VWA8: variants seen among roughly 807,000 people sequenced by gnomAD.
VWA8 encodes the protein von Willebrand factor A domain-containing protein 8.
A neutral mutation model predicts 241.5 loss-of-function variants in VWA8; 221 were observed. The observed-to-expected ratio is 0.91, with a 90% CI of 0.82 to 1.02. VWA8 has a LOEUF of 1.02. Among genes scored for constraint, VWA8 ranks in the 50% least tolerant of loss-of-function variants. VWA8 has a pLI of 0.00. For missense variants in VWA8, 2,322 were observed against 2,328.7 expected (o/e 1.00, Z 0.06); for synonymous variants, 852 against 827.1 (o/e 1.03, Z -0.52).
intron 29 of VWA8, 117 bp from the exon 30 acceptor site, chr13:41,693,089 A>T (rs2045190993): frequency 3.1e-6 from 2 of 639,566 alleles, no homozygotes; most frequent in Non-Finnish European, 5.3e-6. Context: ...CAAAACAAAG[A>T]CAATATTGTA....
At chr13:41,573,484 A>ATATATAT (rs796873882) in intron 43 of VWA8, among the ~76,000 whole-genome samples, 9 of 117,026 alleles carry the variant, frequency 7.7e-5, no homozygotes, top group African/African-American at 3.4e-4. Flanking sequence ...TAAAAAAAAA[A>ATATATAT]AAATATATAT....
At chr13:41,822,529 G>A (rs186099651) in intron 14 of VWA8, among the ~76,000 whole-genome samples, 11 of 152,272 alleles carry the variant, frequency 7.2e-5, no homozygotes, top group African/African-American at 2.6e-4. Context: ...ATAAGTAAGT[G>A]TATACGGCTA....
At chr13:41,688,133 T>C (rs966974096) in intron 34 of VWA8, among the ~76,000 whole-genome samples, 1 of 152,132 alleles carries the variant, frequency 6.6e-6, no homozygotes, top group African/African-American at 2.4e-5. Flanking sequence ...ACGTTTCATT[T>C]TGAATTACAT....
intron 12 of VWA8, among the ~76,000 whole-genome samples, chr13:41,840,722 G>A (rs879325864): frequency 6.0e-5 from 9 of 150,292 alleles, no homozygotes; most frequent in African/African-American, 2.0e-4. Flanking sequence ...TTGCACCACC[G>A]CACTCTAGCC....
At chr13:41,641,436 G>A (rs1425600465) in intron 37 of VWA8, among the ~76,000 whole-genome samples, 1 of 152,150 alleles carries the variant, frequency 6.6e-6, no homozygotes, top group Non-Finnish European at 1.5e-5. Context: ...GCTAGTCCCA[G>A]TCAGGTAGAT....
chr13:41,689,232 CT>C (rs1446285892), intron 34 of VWA8, 121 bp downstream of exon 34: 1 of 1,111,322 alleles, frequency 9.0e-7, no homozygotes, highest in Admixed American at 3.2e-5. Flanking sequence ...GGAAGGAAGA[CT>C]TGATCCAACA....
chr13:41,735,674 TTA>T (rs1222639964), intron 21 of VWA8, among the ~76,000 whole-genome samples: 2 of 152,136 alleles, frequency 1.3e-5, no homozygotes, highest in Non-Finnish European at 2.9e-5. Context: ...ATTAGTAGGT[TTA>T]TGTTTCAGTA....
At chr13:41,731,235 T>C (rs1481658714) in intron 22 of VWA8, among the ~76,000 whole-genome samples, 1 of 151,964 alleles carries the variant, frequency 6.6e-6, no homozygotes, top group East Asian at 1.9e-4. Flanking sequence ...GATGACTTAT[T>C]TGTGCCATTA....
intron 2 of VWA8, among the ~76,000 whole-genome samples, chr13:41,922,937 A>T (rs966154363): frequency 2.0e-5 from 3 of 152,254 alleles, no homozygotes; most frequent in South Asian, 2.1e-4. Flanking sequence ...ATTACTGGGT[A>T]TATACCCAAA....
intron 22 of VWA8, among the ~76,000 whole-genome samples, chr13:41,730,123 T>C (rs2045470948): frequency 6.6e-6 from 1 of 152,114 alleles, no homozygotes; most frequent in Non-Finnish European, 1.5e-5. Context: ...TATACAATTT[T>C]AATAGACCCA....
At chr13:41,673,882 A>G (rs893964545) in intron 36 of VWA8, among the ~76,000 whole-genome samples, 1 of 152,218 alleles carries the variant, frequency 6.6e-6, no homozygotes, top group African/African-American at 2.4e-5. Flanking sequence ...ATTCATACGG[A>G]AAGTTAAAAG....
intron 4 of VWA8, among the ~76,000 whole-genome samples, chr13:41,898,256 C>T (rs1322515427): frequency 6.6e-6 from 1 of 152,048 alleles, no homozygotes; most frequent in African/African-American, 2.4e-5. Flanking sequence ...ACTCACAAAC[C>T]CTGAGCTAGA....
intron 21 of VWA8, among the ~76,000 whole-genome samples, chr13:41,733,319 T>A (rs1355117135): frequency 6.6e-6 from 1 of 152,210 alleles, no homozygotes; most frequent in East Asian, 1.9e-4. Flanking sequence ...ATCAGCTAAT[T>A]GCTTTGAGAG....
At chr13:41,807,947 T>C (rs1406782311) in intron 17 of VWA8, 1 of 152,050 alleles carries the variant, frequency 6.6e-6, no homozygotes, top group Admixed American at 6.6e-5. Context: ...TGCACTACGA[T>C]CCGTTGTCTA....
intron 21 of VWA8, among the ~76,000 whole-genome samples, chr13:41,748,828 C>G (rs1050880481): frequency 4.6e-5 from 7 of 152,154 alleles, no homozygotes; most frequent in Middle Eastern, 3.2e-3. Flanking sequence ...GAAACTGGAT[C>G]CCTTCCTTAC....
intron 39 of VWA8, among the ~76,000 whole-genome samples, chr13:41,607,973 G>A (rs1593646658): frequency 6.6e-6 from 1 of 151,174 alleles, no homozygotes; most frequent in Admixed American, 6.6e-5. Context: ...GTGTGTGCAC[G>A]CACACACACA....
At chr13:41,749,354 C>T (rs1255511010) in intron 21 of VWA8, among the ~76,000 whole-genome samples, 1 of 152,138 alleles carries the variant, frequency 6.6e-6, no homozygotes, top group Non-Finnish European at 1.5e-5. Context: ...AGTCAGGAAA[C>T]AATAGGGGCT....
Position 41,701,428 on chromosome 13 carries a change from C to T in VWA8, c.3328G>A (p.Glu1110Lys). 6.2e-7 allele frequency: 1 copy of T among 1,609,890 alleles called. No individual in the cohort carries two copies. Among genetic ancestry groups the T allele is most frequent in the East Asian group, 2.2e-5 (1 of 44,674 alleles). ...ECASWRIPLDEINIICDIATS... is the reference protein window; with the variant it reads ...ECASWRIPLDKINIICDIATS... ...GCAATGTCACAGATTATATTAATTTCATCCAATGGTATTCTCCATGAGGCA... is the reference window on the plus strand; with the variant it reads ...GCAATGTCACAGATTATATTAATTTTATCCAATGGTATTCTCCATGAGGCA... The change falls in exon 28 of 45, where the codon GAA becomes AAA. Residue 1110 changes from glutamate to lysine, a missense_variant. Glu to Lys is a moderately conservative substitution (Grantham distance 56). Coordinates refer to ENST00000379310, the MANE Select transcript of VWA8 (RefSeq NM_015058.2).
At chr13:41,614,256 A>C (rs2044607309) in intron 38 of VWA8, among the ~76,000 whole-genome samples, 1 of 152,192 alleles carries the variant, frequency 6.6e-6, no homozygotes, top group African/African-American at 2.4e-5. Flanking sequence ...GACCATCCTA[A>C]GGAAGGTGAA....
Sources: gnomAD v4.1 joint callset for allele counts (sites outside exome capture counted in the v4.1 genomes callset) on GRCh38, gnomAD v4.1.1 for gene constraint, MANE v1.5 for transcripts, NCBI Gene and HGNC (gene_info 2026-07-23, HGNC 2026-07-21) for gene names.